Variants in CHIC2 observed in about 807,000 individuals in gnomAD.
CHIC2 encodes cysteine rich hydrophobic domain 2, also known as cysteine-rich hydrophobic domain-containing protein 2.
A neutral mutation model predicts 25.9 loss-of-function variants in CHIC2; 14 were observed. That is an observed-to-expected ratio of 0.54 (90% confidence interval 0.36 to 0.85). The LOEUF (loss-of-function observed/expected upper bound fraction) is 0.85, where lower values mean the gene tolerates loss of function less well. Among genes scored for constraint, CHIC2 ranks in the 40% least tolerant of loss-of-function variants. The pLI, the probability that CHIC2 is intolerant of heterozygous loss-of-function variation, is 0.01. For missense variants in CHIC2, 146 were observed against 202.0 expected (o/e 0.72, Z 1.68); for synonymous variants, 70 against 72.0 (o/e 0.97, Z 0.14).
chr4:54,048,058 A>G (rs1716890847), intron 3 of CHIC2, among the ~76,000 whole-genome samples: 1 of 152,090 alleles, frequency 6.6e-6, no homozygotes, highest in African/African-American at 2.4e-5. Context: ...GCACGATCTC[A>G]GCTCACTGCA....
chr4:54,013,266 T>C (rs369940981), intron 5 of CHIC2, among the ~76,000 whole-genome samples: 2 of 152,140 alleles, frequency 1.3e-5, no homozygotes, highest in Admixed American at 1.3e-4. Flanking sequence ...ATTGTATATA[T>C]ATGCCAAATT....
chr4:54,086,880 G>A, the CHIC2 span: 1 of 584,372 alleles, frequency 1.7e-6, no homozygotes, highest in Non-Finnish European at 3.1e-6. Context: ...ATCCCTAGGA[G>A]TTCTTGGAAA....
At chr4:54,080,655 A>C in the CHIC2 span, among the ~76,000 whole-genome samples, 3 of 151,506 alleles carry the variant, frequency 2.0e-5, no homozygotes, top group African/African-American at 7.3e-5. Context: ...AGTCTCAGCT[A>C]CTTGGGAAGC....
At chr4:54,054,255 T>C (rs1019856443) in intron 1 of CHIC2, among the ~76,000 whole-genome samples, 3 of 152,258 alleles carry the variant, frequency 2.0e-5, no homozygotes, top group African/African-American at 4.8e-5. Context: ...CAAGTCCATC[T>C]AATCCTCTGT....
chr4:54,043,442 A>G (rs2110080272), intron 3 of CHIC2, among the ~76,000 whole-genome samples: 1 of 151,946 alleles, frequency 6.6e-6, no homozygotes, highest in African/African-American at 2.4e-5. Context: ...AAAAAAAAGA[A>G]ACACTTGATC....
intron 1 of CHIC2, among the ~76,000 whole-genome samples, chr4:54,051,973 T>C (rs1717018090): frequency 6.6e-6 from 1 of 152,198 alleles, no homozygotes; most frequent in Non-Finnish European, 1.5e-5. Flanking sequence ...AAGACTGTTC[T>C]CATCAGAGTA....
At chr4:54,068,614 A>G (rs531314259), upstream of CHIC2, among the ~76,000 whole-genome samples, 4 of 152,326 alleles carry the variant, frequency 2.6e-5, no homozygotes, top group Non-Finnish European at 4.4e-5. Flanking sequence ...AATACACTCA[A>G]TGTGCTTTTT....
chr4:54,039,064 T>C (rs1046117978), intron 3 of CHIC2, among the ~76,000 whole-genome samples: 1 of 151,274 alleles, frequency 6.6e-6, no homozygotes, highest in African/African-American at 2.4e-5. Context: ...TAGAAAGTGA[T>C]ATGCAAAAAA....
At chr4:54,087,005 G>A in the CHIC2 span, 6 of 1,011,948 alleles carry the variant, frequency 5.9e-6, no homozygotes, top group East Asian at 1.3e-4. Flanking sequence ...CCAACTAGAA[G>A]CAACATGCAG....
At chr4:54,032,386 C>T (rs1173450536) in intron 3 of CHIC2, among the ~76,000 whole-genome samples, 2 of 151,578 alleles carry the variant, frequency 1.3e-5, no homozygotes, top group African/African-American at 4.9e-5. Context: ...CTGCCTCAGC[C>T]TGCCGAGTGC....
intron 3 of CHIC2, among the ~76,000 whole-genome samples, chr4:54,027,715 T>G (rs1716103593): frequency 6.6e-6 from 1 of 152,220 alleles, no homozygotes; most frequent in Non-Finnish European, 1.5e-5. Flanking sequence ...TCAGAGTTCC[T>G]GTCCCATCTT....
chr4:54,062,031 T>C (rs911544114), intron 1 of CHIC2, among the ~76,000 whole-genome samples: 1 of 152,140 alleles, frequency 6.6e-6, no homozygotes, highest in African/African-American at 2.4e-5. Context: ...CACAGTGCAA[T>C]AAATTCTTTT....
chr4:54,049,623 T>C (rs1716942018), intron 1 of CHIC2, among the ~76,000 whole-genome samples: 2 of 152,196 alleles, frequency 1.3e-5, no homozygotes, highest in Admixed American at 1.3e-4. Context: ...CTACAAAGCA[T>C]ATTATTTTAA....
the CHIC2 span, among the ~76,000 whole-genome samples, chr4:54,069,905 C>T: frequency 6.6e-6 from 1 of 152,148 alleles, no homozygotes; most frequent in South Asian, 2.1e-4. Context: ...CCAAACACAG[C>T]CCCTGCCTTT....
intron 3 of CHIC2, among the ~76,000 whole-genome samples, chr4:54,017,642 C>G (rs1160953824): frequency 1.3e-5 from 2 of 152,086 alleles, no homozygotes; most frequent in African/African-American, 4.8e-5. Flanking sequence ...GTAATTTTAT[C>G]AAGTATTCTT....
chr4:54,078,293 G>A, the CHIC2 span, among the ~76,000 whole-genome samples: 3 of 152,116 alleles, frequency 2.0e-5, no homozygotes, highest in African/African-American at 7.2e-5. Flanking sequence ...CATTTTGATG[G>A]TTGTGTTGAA....
upstream of CHIC2, among the ~76,000 whole-genome samples, chr4:54,067,983 C>A (rs1027487281): frequency 2.0e-5 from 3 of 148,016 alleles, no homozygotes. Flanking sequence ...GGAAATGGAG[C>A]CTTTGGAGGT....
At chr4:54,038,364 C>T (rs1024220762) in intron 3 of CHIC2, among the ~76,000 whole-genome samples, 2 of 152,014 alleles carry the variant, frequency 1.3e-5, no homozygotes, top group East Asian at 1.9e-4. Context: ...AAAACAATAC[C>T]ATTTACAATA....
At chr4:54,016,203 C>A (rs1193215255) in intron 3 of CHIC2, among the ~76,000 whole-genome samples, 1 of 152,002 alleles carries the variant, frequency 6.6e-6, no homozygotes. Flanking sequence ...TACCCAAAAG[C>A]TTAATACTAC....
Sources: allele counts gnomAD v4.1 joint callset (sites outside exome capture counted in the v4.1 genomes callset), GRCh38; gene constraint gnomAD v4.1.1; transcripts MANE v1.5; gene names NCBI Gene and HGNC (gene_info 2026-07-23, HGNC 2026-07-21).